DOK6: variants seen among roughly 807,000 people sequenced by gnomAD.
DOK6 encodes docking protein 6, also known as downstream of tyrosine kinase 6.
A neutral mutation model predicts 44.0 loss-of-function variants in DOK6; 22 were observed. The ratio of observed to expected loss-of-function variants is 0.50; its 90% CI spans 0.36 to 0.71. DOK6 has a LOEUF of 0.71. Among genes scored for constraint, DOK6 ranks in the 30% least tolerant of loss-of-function variants. The pLI, the probability that DOK6 is intolerant of heterozygous loss-of-function variation, is 0.00. For synonymous variants in DOK6, 166 were observed against 145.5 expected, an observed-to-expected ratio of 1.14 and a Z score of -1.01; for missense variants, 340 against 416.4, an observed-to-expected ratio of 0.82 and a Z score of 1.60.
At chr18:69,568,206 G>A (rs907740754) in intron 2 of DOK6, among the ~76,000 whole-genome samples, 11 of 152,180 alleles carry the variant, frequency 7.2e-5, no homozygotes, top group South Asian at 2.1e-4. Context: ...TATGCACAGC[G>A]TCAGCAGGGC....
intron 3 of DOK6, among the ~76,000 whole-genome samples, chr18:69,658,555 GA>G (rs1385781591): frequency 2.0e-5 from 3 of 152,082 alleles, no homozygotes; most frequent in Non-Finnish European, 4.4e-5. Context: ...AGCAGCATGG[GA>G]AAGACATGAA....
chr18:69,510,866 G>T (rs1218890576), intron 1 of DOK6, among the ~76,000 whole-genome samples: 1 of 151,786 alleles, frequency 6.6e-6, no homozygotes, highest in Non-Finnish European at 1.5e-5. Flanking sequence ...CTTCATCTTT[G>T]ATCTCCCCTC....
intron 2 of DOK6, among the ~76,000 whole-genome samples, chr18:69,566,606 C>T (rs35658130): frequency 0.18 from 27,391 of 152,140 alleles, 2,944 homozygotes; most frequent in Middle Eastern, 0.29. Flanking sequence ...GTCTGCTCTA[C>T]GCTAGGCATT....
At chr18:69,810,639 AT>A (rs199667061) in intron 7 of DOK6, among the ~76,000 whole-genome samples, 13 of 151,048 alleles carry the variant, frequency 8.6e-5, no homozygotes, top group Middle Eastern at 3.4e-3. Context: ...AAATAACCTG[AT>A]TTTTTTTTAA....
chr18:69,567,080 C>T (rs1983000889), intron 2 of DOK6, among the ~76,000 whole-genome samples: 1 of 152,172 alleles, frequency 6.6e-6, no homozygotes, highest in Admixed American at 6.5e-5. Context: ...AATTTCAAGG[C>T]AAACTTCATT....
chr18:69,714,718 A>G (rs922615526), intron 5 of DOK6, among the ~76,000 whole-genome samples: 6 of 152,258 alleles, frequency 3.9e-5, no homozygotes, highest in Admixed American at 3.9e-4. Context: ...AAAAGAATTT[A>G]GAAGGAAATT....
In DOK6 at chr18:69,444,090, CAG is replaced by C. The variant is rs375185848; in HGVS notation, c.66+42781_66+42782del. Among the ~76,000 whole-genome samples, 520 of 152,080 alleles carry C rather than the reference CAG, an allele frequency of 3.4e-3. 2 individuals are homozygous for C. The highest frequency in any genetic ancestry group is 0.012 in the African/African-American group (497 of 41,486). ...AATTTGTCTCTACTTGTAAAGCAAT[CAG>C]GGAAGGTTATAAGACAGGATATTAA... is the stretch of plus-strand genomic sequence containing the variant. On this transcript the variant is annotated intron_variant, in intron 1 of 7. Transcript: ENST00000382713.
intron 1 of DOK6, among the ~76,000 whole-genome samples, chr18:69,500,353 C>T (rs143575722): frequency 2.0e-3 from 302 of 152,266 alleles, no homozygotes; most frequent in African/African-American, 6.7e-3. Context: ...AAGGACTTGA[C>T]TTGTTTCCTT....
chr18:69,662,230 C>G (rs1985546958), intron 3 of DOK6: 1 of 152,384 alleles, frequency 6.6e-6, no homozygotes, highest in Admixed American at 6.5e-5. Context: ...TCCACCTGCC[C>G]TGGTCTCCCG....
At chr18:69,597,190 T>A (rs967482885) in intron 2 of DOK6, among the ~76,000 whole-genome samples, 16 of 152,148 alleles carry the variant, frequency 1.1e-4, no homozygotes, top group Admixed American at 8.5e-4. Context: ...GAGATTTCTA[T>A]ATTTCACTGG....
At chr18:69,738,912 T>A in intron 5 of DOK6, 53 bp from the exon 6 acceptor site, 1 of 1,598,626 alleles carries the variant, frequency 6.3e-7, no homozygotes, top group East Asian at 2.2e-5. Context: ...GGAAAACTGT[T>A]ATGCACTTGA....
chr18:69,512,831 C>T (rs4545912), intron 1 of DOK6, among the ~76,000 whole-genome samples: 61,674 of 151,952 alleles, frequency 0.41, 13,519 homozygotes, highest in Non-Finnish European at 0.49. Flanking sequence ...ATGCTTTCTA[C>T]GATTATTCTC....
In DOK6 at chr18:69,766,030, A is replaced by G. The variant is rs987464706; in HGVS notation, c.856+8157A>G. On this transcript the variant is annotated intron_variant, in intron 7 of 7. Coordinates refer to ENST00000382713, the MANE Select transcript of DOK6 (RefSeq NM_152721.6). ...ATGAAATCAACCTAGGCGCCCATCA[A>G]CAGTGGATTGGATCAAGAAATTGTG... Among the ~76,000 whole-genome samples, 4 of 152,328 alleles carry G rather than the reference A, an allele frequency of 2.6e-5. No homozygotes were observed. In the South Asian group the frequency reaches 6.2e-4, roughly 24 times the overall value.
intron 3 of DOK6, among the ~76,000 whole-genome samples, chr18:69,611,053 A>C (rs1984126864): frequency 6.6e-6 from 1 of 151,580 alleles, no homozygotes; most frequent in African/African-American, 2.4e-5. Flanking sequence ...GCAACCAAAA[A>C]AAGAATTTTA....
intron 1 of DOK6, among the ~76,000 whole-genome samples, chr18:69,462,145 G>A (rs1352193867): frequency 1.3e-5 from 2 of 151,988 alleles, no homozygotes. Flanking sequence ...TTTCCCCTAT[G>A]TGCTTTCATG....
intron 2 of DOK6, among the ~76,000 whole-genome samples, chr18:69,582,916 T>C (rs1313549131): frequency 1.3e-5 from 2 of 152,196 alleles, no homozygotes; most frequent in Non-Finnish European, 2.9e-5. Context: ...TGTTACTTGA[T>C]ATTCCATGGT....
intron 4 of DOK6, among the ~76,000 whole-genome samples, chr18:69,697,625 C>T (rs553093679): frequency 6.9e-6 from 1 of 145,590 alleles, no homozygotes; most frequent in African/African-American, 2.5e-5. Flanking sequence ...TCTTATTTTT[C>T]AAAAAAAAAA....
chr18:69,733,361 T>G (rs924765259), intron 5 of DOK6, among the ~76,000 whole-genome samples: 1 of 152,204 alleles, frequency 6.6e-6, no homozygotes, highest in African/African-American at 2.4e-5. Context: ...CAGAGTTTAA[T>G]GTACATACAT....
chr18:69,668,024 C>T (rs563047180), intron 3 of DOK6, among the ~76,000 whole-genome samples: 13 of 152,304 alleles, frequency 8.5e-5, no homozygotes, highest in Admixed American at 5.2e-4. Context: ...CTGCTTTTCT[C>T]ATAGTCTTCA....
Sources: allele counts gnomAD v4.1 joint callset (sites outside exome capture counted in the v4.1 genomes callset), GRCh38; gene constraint gnomAD v4.1.1; transcripts MANE v1.5; gene names NCBI Gene and HGNC (gene_info 2026-07-23, HGNC 2026-07-21).